The following ADAM12 variants were observed in gnomAD, a reference collection of about 807,000 sequenced individuals.
ADAM12 encodes the protein disintegrin and metalloproteinase domain-containing protein 12.
In ADAM12, 70 loss-of-function variants were observed where a neutral mutation model predicts 106.4. The observed-to-expected ratio is 0.66, with a 90% CI of 0.54 to 0.80. ADAM12 has a LOEUF of 0.80. Ranked by LOEUF, ADAM12 falls within the 30% of genes least tolerant of loss-of-function variation. The probability of loss-of-function intolerance (pLI) is 0.00; values close to 1 mark genes in which losing one functional copy is unlikely to be tolerated. For missense variants in ADAM12, 1,010 were observed against 1,171.9 expected (o/e 0.86, Z 2.02); for synonymous variants, 420 against 433.5 (o/e 0.97, Z 0.39).
chr10:126,234,773 C>T (rs1958381895), intron 3 of ADAM12, among the ~76,000 whole-genome samples: 1 of 152,180 alleles, frequency 6.6e-6, no homozygotes, highest in South Asian at 2.1e-4. Context: ...AGGAATAACT[C>T]CAAATGGAGG....
intron 2 of ADAM12, among the ~76,000 whole-genome samples, chr10:126,294,573 T>A (rs1158882220): frequency 6.6e-6 from 1 of 152,204 alleles, no homozygotes; most frequent in Non-Finnish European, 1.5e-5. Context: ...ATGACCTGAC[T>A]TAAATGATGA....
intron 3 of ADAM12, among the ~76,000 whole-genome samples, chr10:126,187,579 C>T (rs549811112): frequency 6.6e-6 from 1 of 152,126 alleles, no homozygotes; most frequent in Admixed American, 6.6e-5. Flanking sequence ...CTGGAAACTC[C>T]ACCCCTGGGG....
At chr10:126,235,223 C>T (rs1394857040) in intron 3 of ADAM12, among the ~76,000 whole-genome samples, 2 of 152,244 alleles carry the variant, frequency 1.3e-5, no homozygotes, top group Admixed American at 6.5e-5. Context: ...AAGCCACCCC[C>T]CAGGGAGGGA....
intron 3 of ADAM12, among the ~76,000 whole-genome samples, chr10:126,277,733 A>C (rs1473111860): frequency 6.6e-6 from 1 of 152,078 alleles, no homozygotes; most frequent in Non-Finnish European, 1.5e-5. Context: ...AAAACACCTC[A>C]TTTCTTGTTT....
intron 3 of ADAM12, among the ~76,000 whole-genome samples, chr10:126,251,592 G>T (rs867621436): frequency 6.6e-6 from 1 of 151,908 alleles, no homozygotes; most frequent in Non-Finnish European, 1.5e-5. Flanking sequence ...GAACGGACAG[G>T]ATGGATAGGA....
At chr10:126,189,488 G>C (rs1957458023) in intron 3 of ADAM12, among the ~76,000 whole-genome samples, 1 of 152,174 alleles carries the variant, frequency 6.6e-6, no homozygotes, top group African/African-American at 2.4e-5. Flanking sequence ...GCAGCCACAA[G>C]TACGGCTGCT....
chr10:126,133,176 C>T (rs973886325), intron 5 of ADAM12, among the ~76,000 whole-genome samples: 10 of 152,278 alleles, frequency 6.6e-5, no homozygotes, highest in Non-Finnish European at 1.5e-4. Flanking sequence ...AAATTTCTCC[C>T]TCATGTACCT....
intron 3 of ADAM12, among the ~76,000 whole-genome samples, chr10:126,277,002 T>C (rs560021426): frequency 3.0e-4 from 45 of 152,160 alleles, no homozygotes; most frequent in Non-Finnish European, 6.5e-4. Flanking sequence ...AAATTATTTA[T>C]CTATGGAAAT....
At chr10:126,184,325 T>C (rs760472523) in intron 3 of ADAM12, among the ~76,000 whole-genome samples, 7 of 152,224 alleles carry the variant, frequency 4.6e-5, no homozygotes, top group African/African-American at 9.6e-5. Flanking sequence ...TAACCTCTCA[T>C]AGGTTTTATT....
At chr10:126,126,762 G>A (rs557994013) in intron 5 of ADAM12, among the ~76,000 whole-genome samples, 103 of 152,156 alleles carry the variant, frequency 6.8e-4, no homozygotes, top group Middle Eastern at 6.8e-3. Flanking sequence ...ATAGAAGAGA[G>A]GGATGAAGGA....
intron 14 of ADAM12, among the ~76,000 whole-genome samples, chr10:126,051,399 A>G (rs1385284115): frequency 6.6e-6 from 1 of 151,386 alleles, no homozygotes; most frequent in African/African-American, 2.4e-5. Context: ...TCATCCATTT[A>G]TATACCCATC....
At chr10:126,376,816 G>C (rs1856310679) in intron 1 of ADAM12, among the ~76,000 whole-genome samples, 1 of 152,194 alleles carries the variant, frequency 6.6e-6, no homozygotes, top group African/African-American at 2.4e-5. Flanking sequence ...TAAAAGGAGA[G>C]GAGGGGAGAA....
chr10:126,179,425 T>C (rs12254689), intron 3 of ADAM12, among the ~76,000 whole-genome samples: 16,878 of 152,278 alleles, frequency 0.11, 1,289 homozygotes, highest in East Asian at 0.32. Context: ...ACCAAATTTC[T>C]ATTTCTTCCA....
intron 2 of ADAM12, among the ~76,000 whole-genome samples, chr10:126,306,738 T>C (rs928388783): frequency 6.6e-6 from 1 of 152,184 alleles, no homozygotes; most frequent in Non-Finnish European, 1.5e-5. Flanking sequence ...CAACCACCAG[T>C]CTTAACTTTG....
chr10:126,305,006 T>C (rs1420927726), intron 2 of ADAM12, among the ~76,000 whole-genome samples: 1 of 151,920 alleles, frequency 6.6e-6, no homozygotes, highest in East Asian at 1.9e-4. Context: ...ATAGAAACAA[T>C]AGAACACATA....
chr10:126,350,629 T>A (rs1367314506), intron 1 of ADAM12, among the ~76,000 whole-genome samples: 3 of 152,254 alleles, frequency 2.0e-5, no homozygotes, highest in Non-Finnish European at 4.4e-5. Context: ...CTGTTGTCAG[T>A]GGCAGTCTTG....
chr10:126,163,726 G>A lies in ADAM12; in HGVS notation c.261-8421C>T, dbSNP rs116583221. 3.7e-3 allele frequency among the ~76,000 whole-genome samples: 566 copies of A among 152,308 alleles called. 4 individuals are homozygous for A. Among genetic ancestry groups the A allele is most frequent in the African/African-American group, 0.012 (515 of 41,574 alleles). On this transcript the variant is annotated intron_variant, in intron 3 of 22. Coordinates refer to ENST00000448723, the MANE Select transcript of ADAM12 (RefSeq NM_001288973.2). ...TTCTCTTGTGTTCTGCCAGGATTCT[G>A]TAACAAGACTTTCCCTATTCGGCCT... is the stretch of plus-strand genomic sequence containing the variant.
chr10:126,199,390 T>C (rs1957655630), intron 3 of ADAM12, among the ~76,000 whole-genome samples: 1 of 152,134 alleles, frequency 6.6e-6, no homozygotes, highest in Non-Finnish European at 1.5e-5. Context: ...TTGCAGTGCA[T>C]GAGTCATTTT....
intron 1 of ADAM12, among the ~76,000 whole-genome samples, chr10:126,383,891 T>C (rs1006916870): frequency 2.4e-4 from 37 of 152,218 alleles, no homozygotes; most frequent in African/African-American, 8.2e-4. Flanking sequence ...GTTAAAAATA[T>C]TTACTTTTCT....
Sources: allele counts gnomAD v4.1 joint callset (sites outside exome capture counted in the v4.1 genomes callset), GRCh38; gene constraint gnomAD v4.1.1; transcripts MANE v1.5; gene names NCBI Gene and HGNC (gene_info 2026-07-23, HGNC 2026-07-21).